TMLHE: variants seen among roughly 807,000 people sequenced by gnomAD.
The protein encoded by TMLHE is trimethyllysine hydroxylase, epsilon.
In TMLHE, 18 loss-of-function variants were observed where a neutral mutation model predicts 25.7. The ratio of observed to expected loss-of-function variants is 0.70; its 90% CI spans 0.48 to 1.04. The LOEUF (loss-of-function observed/expected upper bound fraction) is 1.04, where lower values mean the gene tolerates loss of function less well. Ranked by LOEUF, TMLHE falls within the 50% of genes least tolerant of loss-of-function variation. The pLI is 0.00. For synonymous variants in TMLHE, 105 were observed against 97.0 expected (o/e 1.08, Z -0.49); for missense variants, 236 against 259.0 (o/e 0.91, Z 0.61).
intron 1 of TMLHE, among the ~76,000 whole-genome samples, chrX:155,575,907 A>G (rs1317449091): frequency 8.9e-6 from 1 of 111,999 alleles, no homozygotes; most frequent in Non-Finnish European, 1.9e-5. Flanking sequence ...AATGAGCAAA[A>G]GCTGGAAGCA....
At chrX:155,590,363 T>C (rs954947541) in intron 1 of TMLHE, among the ~76,000 whole-genome samples, 7 of 111,965 alleles carry the variant, frequency 6.3e-5, no homozygotes, top group Admixed American at 1.9e-4. Flanking sequence ...ATTGATAACA[T>C]GCATCCTCAG....
intron 1 of TMLHE, among the ~76,000 whole-genome samples, chrX:155,547,250 T>C (rs1037780384): frequency 1.1e-5 from 1 of 91,125 alleles, no homozygotes; most frequent in African/African-American, 3.7e-5. Context: ...GTTCACGCCA[T>C]TCTCCTGCCT....
chrX:155,507,158 T>C (rs782204142), intron 5 of TMLHE, 24 bp from the exon 6 acceptor site: 1 of 1,064,758 alleles, frequency 9.4e-7, no homozygotes, highest in South Asian at 1.9e-5. Flanking sequence ...AGAAAATTCT[T>C]CTGTTCAGTG....
intron 1 of TMLHE, among the ~76,000 whole-genome samples, chrX:155,559,972 A>G (rs5940514): frequency 0.027 from 2,967 of 111,545 alleles, 100 homozygotes; most frequent in Admixed American, 0.13. Flanking sequence ...AGGAAGAGTT[A>G]GCAACTGCCT....
chrX:155,600,094 T>C (rs181789117), intron 1 of TMLHE, among the ~76,000 whole-genome samples: 1 of 112,154 alleles, frequency 8.9e-6, no homozygotes, highest in Non-Finnish European at 1.9e-5. Context: ...GAATTTACTA[T>C]ATACTGAATT....
intron 2 of TMLHE, among the ~76,000 whole-genome samples, chrX:155,542,684 T>A (rs1410361671): frequency 1.8e-5 from 2 of 111,694 alleles, no homozygotes; most frequent in Non-Finnish European, 3.8e-5. Context: ...TTTTGAAGGA[T>A]CATTTTGCTG....
intron 2 of TMLHE, among the ~76,000 whole-genome samples, chrX:155,525,263 C>T (rs782610093): frequency 2.7e-5 from 3 of 111,098 alleles, no homozygotes; most frequent in Non-Finnish European, 5.7e-5. Context: ...GGAGCTCTCA[C>T]GAGATCTGGT....
intron 2 of TMLHE, among the ~76,000 whole-genome samples, chrX:155,526,808 T>C (rs1347799409): frequency 3.5e-5 from 4 of 113,057 alleles, no homozygotes; most frequent in African/African-American, 1.3e-4. Flanking sequence ...TTTTGGAGCT[T>C]TAAGATTTAA....
chrX:155,603,270 C>T (rs2067766391), intron 1 of TMLHE, among the ~76,000 whole-genome samples: 1 of 109,929 alleles, frequency 9.1e-6, no homozygotes, highest in Admixed American at 9.8e-5. Flanking sequence ...GTTGAGGATG[C>T]AATGAGCTGC....
intron 5 of TMLHE, among the ~76,000 whole-genome samples, chrX:155,510,767 T>C (rs2067105225): frequency 9.2e-6 from 1 of 108,211 alleles, no homozygotes; most frequent in African/African-American, 3.3e-5. Flanking sequence ...ATATACCCAG[T>C]AATGGGATGG....
Position 155,612,797 on chromosome X carries a change from C to T in TMLHE, c.-7G>A, listed in dbSNP as rs1257817657. 8.9e-6 allele frequency: 1 copy of T among 112,229 alleles called. No homozygotes were observed. The highest frequency in any genetic ancestry group is 1.9e-5 in the Non-Finnish European group (1 of 53,107). The allele number at this position is 112,229 out of a possible 1,213,427, so 9.2% of individuals were successfully genotyped here. On this transcript the variant is annotated 5_prime_UTR_variant, in exon 1 of 8. Transcript: ENST00000334398. ...ACCCACGGGACGGAACCCACCTGTGCTGGAGGTCGTGACTGCTAACTCCGC... is the reference window on the plus strand; with the variant it reads ...ACCCACGGGACGGAACCCACCTGTGTTGGAGGTCGTGACTGCTAACTCCGC...
intron 1 of TMLHE, among the ~76,000 whole-genome samples, chrX:155,547,786 A>G (rs1170937895): frequency 1.8e-5 from 2 of 111,147 alleles, no homozygotes; most frequent in Admixed American, 9.6e-5. Flanking sequence ...TATATAAAAT[A>G]ATAAGTAAAA....
intron 4 of TMLHE, among the ~76,000 whole-genome samples, chrX:155,512,316 CCT>C (rs1205437527): frequency 1.4e-4 from 14 of 101,599 alleles, no homozygotes; most frequent in Admixed American, 3.2e-4. Flanking sequence ...ATCCCTCCCC[CCT>C]TCCCCCCACC....
rs782642719 is a variant in TMLHE at position 155,543,996 on chromosome X, A to G, written c.181+1100T>C. 2.7e-5 allele frequency among the ~76,000 whole-genome samples: 3 copies of G among 111,790 alleles called. No individual in the cohort carries two copies. In the South Asian group the frequency reaches 1.1e-3, roughly 42 times the overall value. On this transcript the variant is annotated intron_variant, in intron 2 of 7. Coordinates refer to ENST00000334398, the MANE Select transcript of TMLHE (RefSeq NM_018196.4). ...CCCTTCCCTTTGTGCTGTACCTCAG[A>G]GACAGGCTGTCTCTTGCAGCTCTTC... is the stretch of plus-strand genomic sequence containing the variant.
intron 2 of TMLHE, among the ~76,000 whole-genome samples, chrX:155,525,435 T>A (rs1557336361): frequency 8.9e-6 from 1 of 112,158 alleles, no homozygotes; most frequent in Non-Finnish European, 1.9e-5. Flanking sequence ...AAACCTCTTT[T>A]CTTCATAAAG....
intron 1 of TMLHE, among the ~76,000 whole-genome samples, chrX:155,603,531 A>G (rs1427012216): frequency 5.4e-5 from 6 of 111,912 alleles, no homozygotes; most frequent in Admixed American, 9.4e-5. Context: ...TACATATTAC[A>G]ATGCCACAAT....
At chrX:155,602,250 G>GTAA (rs1313655686) in intron 1 of TMLHE, among the ~76,000 whole-genome samples, 5 of 111,213 alleles carry the variant, frequency 4.5e-5, no homozygotes, top group Non-Finnish European at 9.4e-5. Context: ...CCAAATTAAG[G>GTAA]TAATACCCTA....
chrX:155,594,850 T>A (rs1181345614), intron 1 of TMLHE, among the ~76,000 whole-genome samples: 3 of 111,130 alleles, frequency 2.7e-5, no homozygotes, highest in Non-Finnish European at 5.7e-5. Flanking sequence ...AAGTGAAAAA[T>A]CTATAGTACA....
At chrX:155,606,237 A>C (rs782040473) in intron 1 of TMLHE, among the ~76,000 whole-genome samples, 2 of 111,597 alleles carry the variant, frequency 1.8e-5, no homozygotes, top group Non-Finnish European at 3.8e-5. Flanking sequence ...TCAGCATTTG[A>C]TCAAGTGGAG....
Sources: allele counts gnomAD v4.1 joint callset (sites outside exome capture counted in the v4.1 genomes callset), GRCh38; gene constraint gnomAD v4.1.1; transcripts MANE v1.5; gene names NCBI Gene and HGNC (gene_info 2026-07-23, HGNC 2026-07-21).